The following ZNF609 variants were observed in gnomAD, a reference collection of about 807,000 sequenced individuals.
ZNF609 encodes the protein zinc finger protein 609.
A neutral mutation model predicts 109.5 loss-of-function variants in ZNF609; 11 were observed. That is an observed-to-expected ratio of 0.10 (90% CI 0.06 to 0.17). The LOEUF (loss-of-function observed/expected upper bound fraction) is 0.17, where lower values mean the gene tolerates loss of function less well. Among genes scored for constraint, ZNF609 ranks in the 10% least tolerant of loss-of-function variants. The pLI is 1.00. For missense variants in ZNF609, 1,559 were observed against 1,772.4 expected (o/e 0.88, Z 2.16); for synonymous variants, 646 against 662.0 (o/e 0.98, Z 0.37).
intron 3 of ZNF609, among the ~76,000 whole-genome samples, chr15:64,623,314 C>A (rs951446986): frequency 3.3e-5 from 5 of 152,144 alleles, no homozygotes; most frequent in Non-Finnish European, 7.3e-5. Context: ...CCAGGTAATT[C>A]AAACTGTATC....
At chr15:64,625,388 C>T (rs1223201240) in intron 3 of ZNF609, among the ~76,000 whole-genome samples, 1 of 151,976 alleles carries the variant, frequency 6.6e-6, no homozygotes, top group Admixed American at 6.6e-5. Context: ...GGTATGGTGG[C>T]GTGTACCTGT....
intron 2 of ZNF609, among the ~76,000 whole-genome samples, chr15:64,596,210 G>A (rs897352445): frequency 1.3e-5 from 2 of 151,928 alleles, no homozygotes; most frequent in African/African-American, 4.8e-5. Flanking sequence ...CTAAAGTGCA[G>A]CGGCGCGATC....
chr15:64,628,401 A>G (rs1896007558), intron 3 of ZNF609, among the ~76,000 whole-genome samples: 1 of 152,006 alleles, frequency 6.6e-6, no homozygotes. Flanking sequence ...TCACACCTGT[A>G]ATCCCAACAC....
intron 2 of ZNF609, among the ~76,000 whole-genome samples, chr15:64,541,839 CAAAAA>C (rs59597800): frequency 1.2e-4 from 5 of 42,204 alleles, no homozygotes; most frequent in African/African-American, 3.5e-4. Flanking sequence ...GACTCCAACT[CAAAAA>C]AAAAAAAAAA....
At chr15:64,607,867 CT>C (rs1375533799) in intron 2 of ZNF609, among the ~76,000 whole-genome samples, 224 of 6,682 alleles carry the variant, frequency 0.034, 2 homozygotes, top group African/African-American at 0.045. Context: ...TTCTTTCTTT[CT>C]TTCTTTCTTT....
At chr15:64,612,627 C>CTTTTTTTTTTTTTTTTTAATTTTTT (rs1895735400) in intron 2 of ZNF609, among the ~76,000 whole-genome samples, 1 of 132,280 alleles carries the variant, frequency 7.6e-6, no homozygotes, top group Non-Finnish European at 1.6e-5. Flanking sequence ...CCAGGAGCCT[C>CTTTTTTTTTTTTTTTTTAATTTTTT]TTTTTTTTTT....
chr15:64,622,025 C>T (rs886240463), intron 2 of ZNF609, among the ~76,000 whole-genome samples: 2 of 152,122 alleles, frequency 1.3e-5, no homozygotes, highest in African/African-American at 2.4e-5. Context: ...CGTGCCTAGC[C>T]ATGTTTGACT....
At chr15:64,483,778 C>T (rs778983766) in intron 1 of ZNF609, among the ~76,000 whole-genome samples, 2 of 152,164 alleles carry the variant, frequency 1.3e-5, no homozygotes, top group Admixed American at 1.3e-4. Context: ...CAAAAATCAT[C>T]CTCTTGCCTC....
intron 2 of ZNF609, among the ~76,000 whole-genome samples, chr15:64,594,827 C>A (rs1207670721): frequency 1.4e-5 from 2 of 144,650 alleles, no homozygotes. Context: ...GAGATCGAGA[C>A]CATCCTGGCT....
intron 1 of ZNF609, among the ~76,000 whole-genome samples, chr15:64,464,296 C>G (rs913721079): frequency 2.6e-5 from 4 of 152,214 alleles, no homozygotes; most frequent in Non-Finnish European, 2.9e-5. Context: ...ATTGCCTGAG[C>G]TTAGCCATGG....
intron 1 of ZNF609, among the ~76,000 whole-genome samples, chr15:64,466,258 T>G (rs1206760296): frequency 6.6e-6 from 1 of 152,174 alleles, no homozygotes; most frequent in Non-Finnish European, 1.5e-5. Flanking sequence ...CTTTCATATG[T>G]TTGTGCCACT....
chr15:64,499,621 C>G lies in ZNF609; in HGVS notation c.202C>G (p.Leu68Val). ...GIPAPNAVAT[L>V]PDNIKFVTPV... ...ACCGGCTCCCAATGCTGTGGCCACACTACCAGACAACATCAAGTTTGTGAC... is the reference window on the plus strand; with the variant it reads ...ACCGGCTCCCAATGCTGTGGCCACAGTACCAGACAACATCAAGTTTGTGAC... Residue 68 changes from leucine (L) to valine (V), a missense_variant, in exon 2 of 10, where the codon CTA becomes GTA. Transcript: ENST00000326648. 1 of 1,614,182 alleles carries G rather than the reference C, an allele frequency of 6.2e-7. No homozygotes were observed. Among genetic ancestry groups the G allele is most frequent in the Non-Finnish European group, 8.5e-7 (1 of 1,180,042 alleles).
chr15:64,550,914 A>C (rs775585286), intron 2 of ZNF609, among the ~76,000 whole-genome samples: 2 of 151,444 alleles, frequency 1.3e-5, no homozygotes, highest in Non-Finnish European at 2.9e-5. Context: ...TAGTCTTCTC[A>C]TGCATAAGTT....
intron 2 of ZNF609, among the ~76,000 whole-genome samples, chr15:64,588,261 CAA>C (rs113371703): frequency 6.0e-4 from 80 of 132,300 alleles, no homozygotes; most frequent in African/African-American, 1.3e-3. Context: ...ACTAAAAATA[CAA>C]AAAAAAAAAA....
intron 2 of ZNF609, among the ~76,000 whole-genome samples, chr15:64,600,449 CAAAAAAA>C (rs60948226): frequency 1.9e-5 from 1 of 53,822 alleles, no homozygotes; most frequent in African/African-American, 6.6e-5. Flanking sequence ...GGCTGTGTCT[CAAAAAAA>C]AAAAAAAAAA....
Position 64,674,637 on chromosome 15 carries a change from G to C in ZNF609, c.1783G>C (p.Gly595Arg). ...TKGLCKKKLS[G>R]EGDTDLGALS... ...AGGCCTCTGTAAGAAAAAGTTGAGT[G>C]GGGAAGGGGACACAGACCTTGGGGC... The change falls in exon 5 of 10, where the codon GGG (glycine) becomes CGG (arginine). Residue 595 changes from glycine to arginine, a missense_variant. Physicochemically the swap from Gly to Arg is moderately radical, Grantham distance 125. Coordinates refer to ENST00000326648, the MANE Select transcript of ZNF609 (RefSeq NM_015042.2). The C allele has an allele frequency of 6.2e-7, 1 of 1,614,130 alleles. No individual in the cohort carries two copies. The highest frequency in any genetic ancestry group is 8.5e-7 in the Non-Finnish European group (1 of 1,180,030).
At chr15:64,609,076 CTTTCTTTCTT>C (rs1459648672) in intron 2 of ZNF609, among the ~76,000 whole-genome samples, 11 of 33,696 alleles carry the variant, frequency 3.3e-4, no homozygotes, top group African/African-American at 8.2e-4. Flanking sequence ...TTCTTTCTTT[CTTTCTTTCTT>C]TCTTTCTTTC....
chr15:64,650,165 A>G (rs1285989527), intron 3 of ZNF609, among the ~76,000 whole-genome samples: 1 of 151,028 alleles, frequency 6.6e-6, no homozygotes, highest in African/African-American at 2.4e-5. Flanking sequence ...GCACTTTGGG[A>G]GGCCGAGGCC....
intron 2 of ZNF609, among the ~76,000 whole-genome samples, chr15:64,619,146 G>GTTGTTT (rs564908906): frequency 1.1e-4 from 16 of 152,140 alleles, no homozygotes; most frequent in Non-Finnish European, 2.4e-4. Flanking sequence ...CACCCAGCTA[G>GTTGTTT]TTGTTTTTGT....
Sources: allele counts gnomAD v4.1 joint callset (sites outside exome capture counted in the v4.1 genomes callset), GRCh38; gene constraint gnomAD v4.1.1; transcripts MANE v1.5; gene names NCBI Gene and HGNC (gene_info 2026-07-23, HGNC 2026-07-21).